RFX7: variants seen among roughly 807,000 people sequenced by gnomAD.
RFX7 encodes the protein regulatory factor X7.
A neutral mutation model predicts 111.8 loss-of-function variants in RFX7; 26 were observed. The ratio of observed to expected loss-of-function variants is 0.23; its 90% CI spans 0.17 to 0.32. The LOEUF (loss-of-function observed/expected upper bound fraction) is 0.32. Among genes scored for constraint, RFX7 ranks in the 10% least tolerant of loss-of-function variants. The pLI, the probability that RFX7 is intolerant of heterozygous loss-of-function variation, is 1.00. For missense variants in RFX7, 1,573 were observed against 1,772.9 expected, an observed-to-expected ratio of 0.89 and a Z score of 2.02; for synonymous variants, 624 against 624.4, an observed-to-expected ratio of 1.00 and a Z score of 0.01.
chr15:56,240,314 T>C (rs1019369527), intron 2 of RFX7, among the ~76,000 whole-genome samples: 1 of 152,120 alleles, frequency 6.6e-6, no homozygotes, highest in African/African-American at 2.4e-5. Flanking sequence ...TAGAGTTAAC[T>C]TGAAGGTATT....
chr15:56,240,447 C>G (rs2043676124), intron 2 of RFX7, among the ~76,000 whole-genome samples: 1 of 152,006 alleles, frequency 6.6e-6, no homozygotes, highest in Non-Finnish European at 1.5e-5. Context: ...TTTTTCCAGA[C>G]TCATTTAATG....
intron 2 of RFX7, among the ~76,000 whole-genome samples, chr15:56,181,052 G>A (rs1437462848): frequency 6.6e-6 from 1 of 152,144 alleles, no homozygotes; most frequent in African/African-American, 2.4e-5. Context: ...CAACAAAGTG[G>A]CCAGAGTGAT....
intron 2 of RFX7, among the ~76,000 whole-genome samples, chr15:56,215,106 T>C (rs976955809): frequency 1.4e-4 from 22 of 152,206 alleles, no homozygotes; most frequent in African/African-American, 5.3e-4. Flanking sequence ...CTGCAGATGC[T>C]TACATCTCTT....
chr15:56,224,467 T>TGTGTGTG (rs111880963), intron 2 of RFX7, among the ~76,000 whole-genome samples: 4 of 147,204 alleles, frequency 2.7e-5, no homozygotes, highest in Non-Finnish European at 4.5e-5. Flanking sequence ...GATTAGGATT[T>TGTGTGTG]TGTGTGTGTG....
chr15:56,172,969 A>G (rs1468007021), intron 3 of RFX7, among the ~76,000 whole-genome samples: 2 of 152,232 alleles, frequency 1.3e-5, no homozygotes, highest in East Asian at 3.9e-4. Flanking sequence ...GAAATTGGAC[A>G]ACAAAAAGCA....
rs1176423844 is a variant in RFX7 at position 56,088,701 on chromosome 15, T to C, written c.*4644A>G. The stretch of plus-strand genomic sequence containing the variant: ...TCAAAATAAATCTGTACTTCAGATT[T>C]AACAAAATAAAAAGTTTGGTCTTTT... On this transcript the variant is annotated 3_prime_UTR_variant, in exon 10 of 10. Coordinates refer to ENST00000559447, the MANE Select transcript of RFX7 (RefSeq NM_022841.7). The C allele has an allele frequency of 6.6e-6, 1 of 152,200 alleles. No individual in the cohort carries two copies. Among genetic ancestry groups the C allele is most frequent in the African/African-American group, 2.4e-5 (1 of 41,458 alleles). The allele number at this position is 152,200 out of a possible 1,614,324, so 9.4% of individuals were successfully genotyped here. A position where few individuals can be genotyped will look rare whatever the true frequency, so the allele number is the denominator to read the frequency against.
intron 3 of RFX7, among the ~76,000 whole-genome samples, chr15:56,164,387 A>T (rs1045528560): frequency 6.6e-6 from 1 of 152,212 alleles, no homozygotes; most frequent in African/African-American, 2.4e-5. Context: ...CATCCAGACT[A>T]TATCTGAGCA....
intron 2 of RFX7, among the ~76,000 whole-genome samples, chr15:56,203,200 C>A (rs560888490): frequency 1.6e-4 from 24 of 152,176 alleles, no homozygotes; most frequent in African/African-American, 5.5e-4. Context: ...GAGAAGCCAA[C>A]CATATGACAA....
chr15:56,171,472 A>G (rs546844638), intron 3 of RFX7, among the ~76,000 whole-genome samples: 2 of 152,242 alleles, frequency 1.3e-5, no homozygotes, highest in African/African-American at 4.8e-5. Flanking sequence ...ATGCAATGTA[A>G]AAAGGCTCAA....
intron 2 of RFX7, among the ~76,000 whole-genome samples, chr15:56,225,848 G>C (rs1444029109): frequency 1.3e-5 from 2 of 152,016 alleles, no homozygotes; most frequent in African/African-American, 4.8e-5. Flanking sequence ...TATTTTCTTA[G>C]ACAACCTAAT....
chr15:56,195,266 T>G (rs2043137020), intron 2 of RFX7, among the ~76,000 whole-genome samples: 1 of 151,970 alleles, frequency 6.6e-6, no homozygotes. Context: ...AAATGAAGAG[T>G]GACTGCTTAA....
intron 2 of RFX7, among the ~76,000 whole-genome samples, chr15:56,226,236 C>A (rs1191331671): frequency 1.3e-5 from 2 of 152,082 alleles, no homozygotes; most frequent in African/African-American, 4.8e-5. Context: ...TTATTAAACA[C>A]AAGCTTTAAA....
At chr15:56,185,947 G>A (rs1019849752) in intron 2 of RFX7, among the ~76,000 whole-genome samples, 1 of 152,166 alleles carries the variant, frequency 6.6e-6, no homozygotes, top group African/African-American at 2.4e-5. Context: ...CTCATATCCT[G>A]TGGGTTACAG....
intron 3 of RFX7, among the ~76,000 whole-genome samples, chr15:56,150,038 G>A (rs143353542): frequency 0.027 from 4,010 of 150,876 alleles, 77 homozygotes; most frequent in Non-Finnish European, 0.042. Context: ...GGGTTGCGGG[G>A]TGGGGCGGGG....
At position 56,102,041 on chromosome 15, in the gene RFX7, ATTT is replaced by A. The variant is rs1164821929; in HGVS notation, c.603+125_603+127del. On this transcript the variant is annotated intron_variant, in intron 7 of 9. Transcript: ENST00000559447. ...ACTAACATTTTTCAGCCACTGTGTG[ATTT>A]TTTTTTTCTTATTTGTAAAAGGCAC... The A allele has an allele frequency of 9.3e-6, 6 of 645,980 alleles. No homozygotes were observed. The African/African-American group carries it at 1.1e-4, about 12-fold the overall frequency. The allele number at this position is 645,980 out of a possible 1,614,324, so 40.0% of individuals were successfully genotyped here. A position where few individuals can be genotyped will look rare whatever the true frequency, so the allele number is the denominator to read the frequency against.
rs1486952768 is a variant in RFX7, at chr15:56,093,465, T to C, written c.4263A>G (p.Glu1421=). 1.1e-5 allele frequency: 17 copies of C among 1,613,790 alleles called. No individual in the cohort carries two copies. The highest frequency in any genetic ancestry group is 1.4e-5 in the Non-Finnish European group (17 of 1,179,846). The part of the protein sequence containing the change: ...QQGQDDEATL[E]ELKNDPLFQQ... ...GAAATAATGGGTCATTCTTTAATTC[T>C]TCCAGTGTAGCTTCATCATCTTGTC... Residue 1421 remains glutamate, a synonymous_variant, in exon 10 of 10, where the codon GAA becomes GAG. Coordinates refer to ENST00000559447, the MANE Select transcript of RFX7 (RefSeq NM_022841.7).
chr15:56,120,028 T>C (rs2042056813), intron 5 of RFX7, among the ~76,000 whole-genome samples: 1 of 152,276 alleles, frequency 6.6e-6, no homozygotes, highest in African/African-American at 2.4e-5. Flanking sequence ...GTTTTTTCTA[T>C]AATATTTCTG....
At chr15:56,211,983 C>T (rs1371033575) in intron 2 of RFX7, among the ~76,000 whole-genome samples, 1 of 152,088 alleles carries the variant, frequency 6.6e-6, no homozygotes, top group African/African-American at 2.4e-5. Flanking sequence ...TAGATTCCTA[C>T]CCTATGACCC....
At chr15:56,211,056 G>A (rs1373332243) in intron 2 of RFX7, among the ~76,000 whole-genome samples, 1 of 152,012 alleles carries the variant, frequency 6.6e-6, no homozygotes, top group East Asian at 1.9e-4. Flanking sequence ...GTTCCTGGGT[G>A]ACACAATCTG....
Sources: gnomAD v4.1 joint callset for allele counts (sites outside exome capture counted in the v4.1 genomes callset) on GRCh38, gnomAD v4.1.1 for gene constraint, MANE v1.5 for transcripts, NCBI Gene and HGNC (gene_info 2026-07-23, HGNC 2026-07-21) for gene names.